Variants in RAB30 observed in about 807,000 individuals in gnomAD.
RAB30 encodes the protein RAB30, member RAS oncogene family, also known as ras-related protein Rab-30.
RAB30 carries 9 observed loss-of-function variants against 25.1 expected under a neutral mutation model. The ratio of observed to expected loss-of-function variants is 0.36; its 90% CI spans 0.22 to 0.63. RAB30 has a LOEUF of 0.63. Among genes scored for constraint, RAB30 ranks in the 20% least tolerant of loss-of-function variants. RAB30 has a pLI of 0.69. For missense variants in RAB30, 140 were observed against 243.5 expected (o/e 0.58, Z 2.83); for synonymous variants, 77 against 86.4 (o/e 0.89, Z 0.60).
intron 1 of RAB30, among the ~76,000 whole-genome samples, chr11:83,069,324 C>T (rs992304883): frequency 2.6e-5 from 4 of 152,224 alleles, no homozygotes; most frequent in African/African-American, 9.6e-5. Flanking sequence ...CTGCCTGTTA[C>T]ACTAGTTGCC....
Position 82,975,439 on chromosome 11 carries a change from A to C in RAB30, c.*6726T>G, listed in dbSNP as rs1019359933. 1.3e-5 allele frequency: 2 copies of C among 152,196 alleles called. No homozygotes were observed. The highest frequency in any genetic ancestry group is 3.8e-4 in the East Asian group (2 of 5,208). 9.4% of individuals were successfully genotyped at this position (152,196 alleles called of 1,614,324 possible). On this transcript the variant is annotated 3_prime_UTR_variant, in exon 5 of 5. Coordinates refer to ENST00000527633, the MANE Select transcript of RAB30 (RefSeq NM_001286060.2). Reference sequence around the variant, plus strand: ...AGTAGATTATCTTTTGCTTTTCTGTACATGAATTTTTTCTTTATTAGGCAT... The same window carrying C: ...AGTAGATTATCTTTTGCTTTTCTGTCCATGAATTTTTTCTTTATTAGGCAT...
chr11:82,989,617 G>T (rs535113305), intron 3 of RAB30, among the ~76,000 whole-genome samples: 3 of 152,344 alleles, frequency 2.0e-5, no homozygotes, highest in Admixed American at 2.0e-4. Context: ...TAAAACACTT[G>T]TGATTGCGAT....
chr11:83,015,671 GATAA>G (rs1857420011), intron 1 of RAB30, among the ~76,000 whole-genome samples: 1 of 152,190 alleles, frequency 6.6e-6, no homozygotes, highest in Non-Finnish European at 1.5e-5. Flanking sequence ...ATGGAGAGTG[GATAA>G]ATAGAGAAGA....
chr11:83,057,442 A>G (rs1303211296), intron 1 of RAB30, among the ~76,000 whole-genome samples: 1 of 152,216 alleles, frequency 6.6e-6, no homozygotes, highest in African/African-American at 2.4e-5. Context: ...GTTAACTCTT[A>G]GAAAGCAAAG....
At position 82,993,981 on chromosome 11, in the gene RAB30, A is replaced by C; in HGVS notation, c.177+58T>G. On this transcript the variant is annotated intron_variant, in intron 3 of 4. Transcript: ENST00000527633. ...TTTAATAAATGGTTATGAAAGCAGT[A>C]CTTCCCCTAACCTCTCACATAGCAC... 4 of 1,321,346 alleles carry C rather than the reference A, an allele frequency of 3.0e-6. No individual in the cohort carries two copies. In the South Asian group the frequency reaches 4.9e-5, roughly 16 times the overall value. 81.9% of individuals were successfully genotyped at this position (1,321,346 alleles called of 1,614,324 possible).
At chr11:83,045,647 T>C (rs1330593843) in intron 1 of RAB30, among the ~76,000 whole-genome samples, 1 of 152,216 alleles carries the variant, frequency 6.6e-6, no homozygotes, top group African/African-American at 2.4e-5. Context: ...TTGGACAAAA[T>C]TGACTTAACC....
At chr11:82,991,037 C>T (rs963675267) in intron 3 of RAB30, among the ~76,000 whole-genome samples, 3 of 152,144 alleles carry the variant, frequency 2.0e-5, no homozygotes, top group Admixed American at 6.5e-5. Context: ...GTAGAGGACA[C>T]TGATGAGGGT....
At chr11:83,036,544 T>C (rs1446600065) in intron 1 of RAB30, among the ~76,000 whole-genome samples, 4 of 152,212 alleles carry the variant, frequency 2.6e-5, no homozygotes, top group Non-Finnish European at 4.4e-5. Context: ...CAGATAGTTA[T>C]TGAGCACTTT....
At chr11:82,995,745 T>C (rs1485887542) in intron 2 of RAB30, among the ~76,000 whole-genome samples, 1 of 152,198 alleles carries the variant, frequency 6.6e-6, no homozygotes, top group African/African-American at 2.4e-5. Context: ...TTAGAATGTA[T>C]AGGAGACAAA....
intron 2 of RAB30, 40 bp downstream of exon 2, chr11:82,997,184 C>T (rs375629164): frequency 9.1e-6 from 14 of 1,536,892 alleles, no homozygotes; most frequent in Non-Finnish European, 1.3e-5. Flanking sequence ...ACTGACAAAC[C>T]CAACCCTGGG....
chr11:83,066,474 A>G (rs1002849620), intron 1 of RAB30, among the ~76,000 whole-genome samples: 2 of 152,250 alleles, frequency 1.3e-5, no homozygotes, highest in Non-Finnish European at 2.9e-5. Context: ...TTCAGCCCAA[A>G]AAGAAACCAG....
chr11:83,038,403 C>G (rs1004739462), intron 1 of RAB30, among the ~76,000 whole-genome samples: 3 of 152,082 alleles, frequency 2.0e-5, no homozygotes, highest in Non-Finnish European at 4.4e-5. Context: ...AGCGCTGTGT[C>G]CTCTGGCAAA....
intron 1 of RAB30, among the ~76,000 whole-genome samples, chr11:83,005,468 A>C (rs975040214): frequency 3.9e-5 from 6 of 152,330 alleles, no homozygotes; most frequent in Non-Finnish European, 8.8e-5. Flanking sequence ...TGAGGTTCAG[A>C]GAGATTAATT....
chr11:83,050,446 T>A (rs1858332737), intron 1 of RAB30, among the ~76,000 whole-genome samples: 1 of 152,060 alleles, frequency 6.6e-6, no homozygotes, highest in South Asian at 2.1e-4. Flanking sequence ...AGGTACTTCA[T>A]AACAACAGGA....
chr11:83,057,969 G>A (rs186753050), intron 1 of RAB30, among the ~76,000 whole-genome samples: 1 of 152,104 alleles, frequency 6.6e-6, no homozygotes, highest in South Asian at 2.1e-4. Flanking sequence ...CAGGTGACAG[G>A]CACCACGCTG....
chr11:83,044,959 T>C (rs1397302085), intron 1 of RAB30, among the ~76,000 whole-genome samples: 1 of 152,220 alleles, frequency 6.6e-6, no homozygotes, highest in East Asian at 1.9e-4. Context: ...CTTCAAGGAA[T>C]CTTTGATGTT....
intron 1 of RAB30, among the ~76,000 whole-genome samples, chr11:83,061,967 C>G (rs1224748590): frequency 6.6e-6 from 1 of 151,990 alleles, no homozygotes; most frequent in Non-Finnish European, 1.5e-5. Flanking sequence ...CACATTATGG[C>G]TCCAGTGAAC....
chr11:83,046,584 C>G (rs1286046679), intron 1 of RAB30, among the ~76,000 whole-genome samples: 11 of 152,076 alleles, frequency 7.2e-5, no homozygotes, highest in African/African-American at 2.7e-4. Context: ...TCCCTGAACT[C>G]CTGGGTTCAA....
At chr11:82,992,461 C>G in intron 3 of RAB30, 1 of 448,154 alleles carries the variant, frequency 2.2e-6, no homozygotes, top group Non-Finnish European at 4.5e-6. Context: ...TCCTCCTAAA[C>G]ACTTCTCTGT....
Sources: gnomAD v4.1 joint callset for allele counts (sites outside exome capture counted in the v4.1 genomes callset) on GRCh38, gnomAD v4.1.1 for gene constraint, MANE v1.5 for transcripts, NCBI Gene and HGNC (gene_info 2026-07-23, HGNC 2026-07-21) for gene names.